Variants in VPS45 observed in about 807,000 individuals in gnomAD.
VPS45 encodes vacuolar protein sorting-associated protein 45.
A neutral mutation model predicts 75.9 loss-of-function variants in VPS45; 35 were observed. The ratio of observed to expected loss-of-function variants is 0.46; its 90% CI spans 0.35 to 0.61. VPS45 has a LOEUF of 0.61. Ranked by LOEUF, VPS45 falls within the 20% of genes least tolerant of loss-of-function variation. The pLI is 0.00. For missense variants in VPS45, 559 were observed against 685.9 expected (o/e 0.81, Z 2.07); for synonymous variants, 220 against 238.2 (o/e 0.92, Z 0.70).
At chr1:150,106,416 A>G (rs1179719152) in intron 13 of VPS45, among the ~76,000 whole-genome samples, 10 of 152,328 alleles carry the variant, frequency 6.6e-5, no homozygotes, top group East Asian at 1.9e-4. Flanking sequence ...GGCAAACGAC[A>G]TGAAAAGACA....
chr1:150,077,054 A>C, intron 5 of VPS45, 40 bp from the exon 6 acceptor site: 1 of 1,613,396 alleles, frequency 6.2e-7, no homozygotes, highest in Non-Finnish European at 8.5e-7. Flanking sequence ...GTAAGAGAAA[A>C]TTCAAATATT....
At chr1:150,142,775 C>G in intron 14 of VPS45, 1 of 410,404 alleles carries the variant, frequency 2.4e-6, no homozygotes, top group Admixed American at 2.6e-5. Flanking sequence ...AGCAATTCTT[C>G]TGCCTTAGCC....
intron 14 of VPS45, among the ~76,000 whole-genome samples, chr1:150,137,242 G>A (rs923553227): frequency 2.0e-5 from 3 of 152,120 alleles, no homozygotes; most frequent in Non-Finnish European, 4.4e-5. Flanking sequence ...CCTTGCTCCT[G>A]ATAAAACTGC....
chr1:150,095,296 T>C (rs1297340611), intron 13 of VPS45, among the ~76,000 whole-genome samples: 1 of 152,140 alleles, frequency 6.6e-6, no homozygotes, highest in Non-Finnish European at 1.5e-5. Context: ...TGAGAGGTGA[T>C]ATTTAAGATG....
chr1:150,113,166 C>A (rs1269378193), intron 14 of VPS45, among the ~76,000 whole-genome samples: 2 of 152,088 alleles, frequency 1.3e-5, no homozygotes, highest in African/African-American at 4.8e-5. Context: ...TAAGGCTTGG[C>A]CTTTCCGGCA....
chr1:150,088,172 C>T (rs1656113163), intron 10 of VPS45, among the ~76,000 whole-genome samples: 2 of 152,066 alleles, frequency 1.3e-5, no homozygotes, highest in African/African-American at 4.8e-5. Flanking sequence ...AGAACATATT[C>T]CTGCTATCTA....
At chr1:150,131,396 T>C (rs1245694625) in intron 14 of VPS45, among the ~76,000 whole-genome samples, 2 of 152,008 alleles carry the variant, frequency 1.3e-5, no homozygotes, top group Non-Finnish European at 2.9e-5. Flanking sequence ...GTAATCCAGA[T>C]ACTCAGGAGG....
chr1:150,076,222 A>G lies in VPS45; in HGVS notation c.290-11A>G. ...ATCTCCTTTGAGTCAACCCCAACTC[A>G]TGTGTTTCAGATTTCAGTAATGTGA... is the stretch of plus-strand genomic sequence containing the variant. On this transcript the variant is annotated splice_polypyrimidine_tract_variant and intron_variant, in intron 3 of 14. Coordinates refer to ENST00000644510, the MANE Select transcript of VPS45 (RefSeq NM_007259.5). The G allele has an allele frequency of 6.3e-7, 1 of 1,597,346 alleles. No homozygotes were observed. The highest frequency in any genetic ancestry group is 2.3e-5 in the East Asian group (1 of 44,096).
chr1:150,136,152 G>A (rs587771214), intron 14 of VPS45, among the ~76,000 whole-genome samples: 12 of 150,274 alleles, frequency 8.0e-5, no homozygotes, highest in African/African-American at 2.9e-4. Context: ...GCAGGGCTGA[G>A]GCAGGAGGAT....
chr1:150,067,723 AC>A, upstream of VPS45: 1 of 807,200 alleles, frequency 1.2e-6, no homozygotes, highest in Non-Finnish European at 2.1e-6. Context: ...AACTCCCAGC[AC>A]CGTGGCTGCC....
intron 14 of VPS45, among the ~76,000 whole-genome samples, chr1:150,132,277 A>T (rs1171453620): frequency 6.6e-6 from 1 of 152,196 alleles, no homozygotes; most frequent in African/African-American, 2.4e-5. Flanking sequence ...ACAGATTTGC[A>T]TATTTGTTTC....
intron 14 of VPS45, among the ~76,000 whole-genome samples, chr1:150,129,534 T>G (rs952102127): frequency 5.9e-5 from 9 of 152,070 alleles, no homozygotes; most frequent in African/African-American, 1.9e-4. Flanking sequence ...TTGCTATGAA[T>G]GTATACACAT....
In VPS45 at chr1:150,067,798, G is replaced by T; in HGVS notation, c.-60G>T. The T allele has an allele frequency of 6.4e-7, 1 of 1,554,946 alleles. No homozygotes were observed. The highest frequency in any genetic ancestry group is 1.4e-5 in the African/African-American group (1 of 73,772). On this transcript the variant is annotated 5_prime_UTR_variant, in exon 1 of 15. Transcript: ENST00000644510. ...GCTGAGACCCGGCCAACAGACTGGG[G>T]GTTAATTTAGCCAGAAAAGGGGGCG...
Position 150,082,989 on chromosome 1 carries a change from A to G in VPS45, c.1104+106A>G, listed in dbSNP as rs12093264. ...TCTTCATCAACATGGAATTTAGTCC[A>G]ACAAGGAGCTGACATGAGAACACAA... On this transcript the variant is annotated intron_variant, in intron 10 of 14. Coordinates refer to ENST00000644510, the MANE Select transcript of VPS45 (RefSeq NM_007259.5). The G allele has an allele frequency of 1.5e-5, 17 of 1,143,968 alleles. No homozygotes were observed. In the African/African-American group the frequency reaches 2.2e-4, roughly 15 times the overall value. 70.9% of individuals were successfully genotyped at this position (1,143,968 alleles called of 1,614,324 possible).
chr1:150,142,457 T>A (rs1472318145), intron 14 of VPS45, among the ~76,000 whole-genome samples: 2 of 152,214 alleles, frequency 1.3e-5, no homozygotes, highest in African/African-American at 4.8e-5. Context: ...CAAATGAACT[T>A]AGCTTCTACT....
Position 150,145,164 on chromosome 1 carries a change from AC to A in VPS45, c.*371del, listed in dbSNP as rs1553816364. ...CCTTGGCTTCCTTTCTCTTCCCTTA[AC>A]CCTTTCTGCTTTTCATTAACCACAT... On this transcript the variant is annotated 3_prime_UTR_variant, in exon 15 of 15. Coordinates refer to ENST00000644510, the MANE Select transcript of VPS45 (RefSeq NM_007259.5). The A allele has an allele frequency of 2.4e-6, 1 of 415,424 alleles. No individual in the cohort carries two copies. Among genetic ancestry groups the A allele is most frequent in the Non-Finnish European group, 4.3e-6 (1 of 230,562 alleles). The allele number at this position is 415,424 out of a possible 1,614,324, so 25.7% of individuals were successfully genotyped here.
chr1:150,092,340 C>T lies in VPS45; in HGVS notation c.1302C>T (p.Val434=), dbSNP rs1656372951. The stretch of plus-strand genomic sequence containing the variant: ...TTGTTGAATATGGTGGTAAACGAGT[C>T]AGAGGAAGTGACCTCTTCAGCCCCA... ...SAVVEYGGKR[V]RGSDLFSPKD... Residue 434 remains valine, a synonymous_variant, in exon 12 of 15, where the codon GTC becomes GTT. Transcript: ENST00000644510. The T allele has an allele frequency of 1.2e-6, 2 of 1,614,040 alleles. No individual in the cohort carries two copies. The highest frequency in any genetic ancestry group is 1.7e-6 in the Non-Finnish European group (2 of 1,179,992).
chr1:150,075,746 G>A (rs587721090), intron 3 of VPS45, among the ~76,000 whole-genome samples: 1 of 151,908 alleles, frequency 6.6e-6, no homozygotes, highest in Admixed American at 6.6e-5. Flanking sequence ...TACTTCCCTA[G>A]TATTCTCATT....
chr1:150,087,077 A>G (rs1429632891), intron 10 of VPS45, among the ~76,000 whole-genome samples: 2 of 152,120 alleles, frequency 1.3e-5, no homozygotes, highest in Non-Finnish European at 2.9e-5. Flanking sequence ...GTGCTGCTTT[A>G]TCATAGTTTT....
Sources: allele counts gnomAD v4.1 joint callset (sites outside exome capture counted in the v4.1 genomes callset), GRCh38; gene constraint gnomAD v4.1.1; transcripts MANE v1.5; gene names NCBI Gene and HGNC (gene_info 2026-07-23, HGNC 2026-07-21).